STAM2: variants seen among roughly 807,000 people sequenced by gnomAD.
The protein encoded by STAM2 is signal transducing adaptor molecule 2.
Under a neutral mutation model 65.6 loss-of-function variants are expected in STAM2, and 51 were observed. The ratio of observed to expected loss-of-function variants is 0.78; its 90% confidence interval spans 0.62 to 0.98. The LOEUF is 0.98. Among genes scored for constraint, STAM2 ranks in the 50% least tolerant of loss-of-function variants. The probability of loss-of-function intolerance (pLI) is 0.00; values close to 1 mark genes in which losing one functional copy is unlikely to be tolerated. For synonymous variants in STAM2, 198 were observed against 208.4 expected, an observed-to-expected ratio of 0.95 and a Z score of 0.43; for missense variants, 584 against 617.8, an observed-to-expected ratio of 0.95 and a Z score of 0.58.
intron 1 of STAM2, among the ~76,000 whole-genome samples, chr2:152,153,952 T>C (rs1363520261): frequency 1.4e-5 from 2 of 146,576 alleles, no homozygotes; most frequent in Non-Finnish European, 1.5e-5. Flanking sequence ...CAAAATTAAA[T>C]AAAATAGTAT....
intron 7 of STAM2, among the ~76,000 whole-genome samples, chr2:152,137,715 T>C (rs1310230483): frequency 2.0e-5 from 3 of 152,124 alleles, no homozygotes; most frequent in Non-Finnish European, 4.4e-5. Context: ...TATACTTAAC[T>C]GTAGTTTTAG....
intron 1 of STAM2, among the ~76,000 whole-genome samples, chr2:152,174,927 G>A (rs1350581736): frequency 6.6e-6 from 1 of 152,066 alleles, no homozygotes; most frequent in Non-Finnish European, 1.5e-5. Flanking sequence ...AGAGACCAGC[G>A]CTTTATGACT....
chr2:152,172,740 G>A (rs1689918600), intron 1 of STAM2, among the ~76,000 whole-genome samples: 1 of 151,714 alleles, frequency 6.6e-6, no homozygotes, highest in Non-Finnish European at 1.5e-5. Context: ...GTGTGGTGGT[G>A]CGCACCTGTA....
At chr2:152,143,199 G>A (rs1368616185) in intron 7 of STAM2, among the ~76,000 whole-genome samples, 2 of 151,996 alleles carry the variant, frequency 1.3e-5, no homozygotes, top group Non-Finnish European at 2.9e-5. Context: ...AAAAATACTA[G>A]AAATATATTA....
intron 1 of STAM2, 146 bp downstream of exon 1, chr2:152,175,457 A>T: frequency 9.3e-7 from 1 of 1,072,084 alleles, no homozygotes; most frequent in Non-Finnish European, 1.4e-6. Context: ...GAAAAATCCC[A>T]ACGTCGAAGG....
chr2:152,123,786 A>G lies in STAM2; in HGVS notation c.1329T>C (p.Pro443=), dbSNP rs757354576. The change falls in exon 13 of 14, where the codon CCT becomes CCC. Residue 443 remains proline (P), a synonymous_variant. Coordinates refer to ENST00000263904, the MANE Select transcript of STAM2 (RefSeq NM_005843.6). ...CTTACCTTAAATATGAAGTTTGAGCAGGCTGTGCTGTCACTGAGGAATTCA... is the reference window on the plus strand; with the variant it reads ...CTTACCTTAAATATGAAGTTTGAGCGGGCTGTGCTGTCACTGAGGAATTCA... ...PNVNSSVTAQ[P]AQTSYLSTGQ... The G allele has an allele frequency of 2.5e-6, 4 of 1,614,002 alleles. No individual in the cohort carries two copies. Among genetic ancestry groups the G allele is most frequent in the Non-Finnish European group, 3.4e-6 (4 of 1,180,024 alleles).
Position 152,175,646 on chromosome 2 carries a change from G to T in STAM2, c.-4C>A, listed in dbSNP as rs1690005522. On this transcript the variant is annotated 5_prime_UTR_variant, in exon 1 of 14. Coordinates refer to ENST00000263904, the MANE Select transcript of STAM2 (RefSeq NM_005843.6). ...GGTTGGCGGTGAACAAAGGCATCTC[G>T]CCGGCGCCCGAGCCCTAGTCGCTGC... 1 of 1,612,134 alleles carries T rather than the reference G, an allele frequency of 6.2e-7. No homozygotes were observed. Among genetic ancestry groups the T allele is most frequent in the Non-Finnish European group, 8.5e-7 (1 of 1,179,318 alleles).
Position 152,119,257 on chromosome 2 carries a change from C to G in STAM2, c.*1317G>C, listed in dbSNP as rs1041300834. ...GTGTGCAAATTTTTAGGAGAGAAAA[C>G]AATCCCTACTGGTTTACTACCAAAC... On this transcript the variant is annotated 3_prime_UTR_variant, in exon 14 of 14. Transcript: ENST00000263904. The G allele has an allele frequency of 5.3e-5, 8 of 152,116 alleles. No homozygotes were observed. The highest frequency in any genetic ancestry group is 1.9e-4 in the African/African-American group (8 of 41,450). 9.4% of individuals were successfully genotyped at this position (152,116 alleles called of 1,614,324 possible).
At chr2:152,127,271 C>T (rs897292748) in intron 11 of STAM2, among the ~76,000 whole-genome samples, 1 of 152,184 alleles carries the variant, frequency 6.6e-6, no homozygotes, top group Non-Finnish European at 1.5e-5. Flanking sequence ...CTTGCAGTCA[C>T]AATCCTCTAC....
intron 1 of STAM2, among the ~76,000 whole-genome samples, chr2:152,156,834 G>C (rs1689564631): frequency 6.6e-6 from 1 of 151,992 alleles, no homozygotes; most frequent in African/African-American, 2.4e-5. Context: ...AAACTTTAAA[G>C]CTCCTCCTAT....
Position 152,148,275 on chromosome 2 carries a change from T to C in STAM2, c.151A>G (p.Met51Val). Residue 51 changes from methionine (M) to valine (V), a missense_variant, in exon 3 of 14, where the codon ATG (methionine) becomes GTG (valine). Coordinates refer to ENST00000263904, the MANE Select transcript of STAM2 (RefSeq NM_005843.6). Reference protein sequence around the residue: ...NGAKDCLKAIMKRVNHKVPHV... With the variant: ...NGAKDCLKAIVKRVNHKVPHV... ...GGAACCTTATGATTTACCCTTTTCA[T>C]TATGGCTTTTAGGCAATCTTTCGCT... 1.2e-6 allele frequency: 2 copies of C among 1,611,546 alleles called. No individual in the cohort carries two copies. Among genetic ancestry groups the C allele is most frequent in the Non-Finnish European group, 8.5e-7 (1 of 1,179,000 alleles).
At chr2:152,153,194 A>G (rs1405507115) in intron 1 of STAM2, among the ~76,000 whole-genome samples, 2 of 152,176 alleles carry the variant, frequency 1.3e-5, no homozygotes, top group Admixed American at 1.3e-4. Flanking sequence ...AGAGGTGGAG[A>G]TATAAAAAGT....
At chr2:152,174,255 T>C (rs1689965863) in intron 1 of STAM2, among the ~76,000 whole-genome samples, 1 of 152,216 alleles carries the variant, frequency 6.6e-6, no homozygotes. Flanking sequence ...CCTTCTGTTT[T>C]ATTTCATTAG....
At position 152,147,147 on chromosome 2, in the gene STAM2, G is replaced by C; in HGVS notation, c.447+15C>G. ...ATATTATAGGGTCAACCATGGGTCT[G>C]AATAAATCTCTCACCTGAGAACCTG... On this transcript the variant is annotated intron_variant, in intron 5 of 13. Coordinates refer to ENST00000263904, the MANE Select transcript of STAM2 (RefSeq NM_005843.6). The C allele has an allele frequency of 1.3e-6, 2 of 1,596,698 alleles. No homozygotes were observed. The highest frequency in any genetic ancestry group is 1.7e-6 in the Non-Finnish European group (2 of 1,174,094).
At chr2:152,121,812 A>G (rs1013766543) in intron 13 of STAM2, among the ~76,000 whole-genome samples, 1 of 152,004 alleles carries the variant, frequency 6.6e-6, no homozygotes, top group South Asian at 2.1e-4. Flanking sequence ...TGGGAGGCCG[A>G]GGAGGGCGGA....
chr2:152,137,344 C>T (rs1008777055), intron 7 of STAM2, among the ~76,000 whole-genome samples: 7 of 152,152 alleles, frequency 4.6e-5, no homozygotes, highest in South Asian at 2.1e-4. Context: ...GGAGAGAAAT[C>T]GTATTTCATT....
At position 152,137,998 on chromosome 2, in the gene STAM2, A is replaced by G. The variant is rs996054143; in HGVS notation, c.705-2395T>C. Reference sequence around the variant, plus strand: ...TCACACATCTTGTTAATGTACCTTAATATCTGCCAGGGAAAATACCCTTTC... The same window carrying G: ...TCACACATCTTGTTAATGTACCTTAGTATCTGCCAGGGAAAATACCCTTTC... On this transcript the variant is annotated intron_variant, in intron 7 of 13. Transcript: ENST00000263904. 7.9e-5 allele frequency among the ~76,000 whole-genome samples: 12 copies of G among 152,220 alleles called. No homozygotes were observed. In the South Asian group the frequency reaches 1.4e-3, roughly 18 times the overall value.
At chr2:152,160,745 G>A (rs993811428) in intron 1 of STAM2, among the ~76,000 whole-genome samples, 2 of 149,438 alleles carry the variant, frequency 1.3e-5, no homozygotes, top group Non-Finnish European at 3.0e-5. Context: ...CGGGAGGTGA[G>A]GGGTGCCTCT....
rs1401839649 is a variant in STAM2 at position 152,116,817 on chromosome 2, T to A, written c.*3757A>T. 1 of 152,240 alleles carries A rather than the reference T, an allele frequency of 6.6e-6. No homozygotes were observed. Among genetic ancestry groups the A allele is most frequent in the Non-Finnish European group, 1.5e-5 (1 of 68,040 alleles). 9.4% of individuals were successfully genotyped at this position (152,240 alleles called of 1,614,324 possible). A position where few individuals can be genotyped will look rare whatever the true frequency, so the allele number is the denominator to read the frequency against. ...AACAATACATACATTTTAAATAACT[T>A]TTATTAGAGTATATTGTTACAACTC... On this transcript the variant is annotated 3_prime_UTR_variant, in exon 14 of 14. Transcript: ENST00000263904.
Sources: gnomAD v4.1 joint callset for allele counts (sites outside exome capture counted in the v4.1 genomes callset) on GRCh38, gnomAD v4.1.1 for gene constraint, MANE v1.5 for transcripts, NCBI Gene and HGNC (gene_info 2026-07-23, HGNC 2026-07-21) for gene names.